Variants in TGFBR1 observed in about 807,000 individuals in gnomAD.
The protein encoded by TGFBR1 is TGF-beta receptor type-1.
TGFBR1 carries 20 observed loss-of-function variants against 55.1 expected under a neutral mutation model. The ratio of observed to expected loss-of-function variants is 0.36; its 90% CI spans 0.26 to 0.53. TGFBR1 has a LOEUF of 0.53. TGFBR1 is among the 20% of genes least tolerant of loss of function. The probability of loss-of-function intolerance (pLI) is 0.91; values close to 1 mark genes in which losing one functional copy is unlikely to be tolerated. For synonymous variants in TGFBR1, 220 were observed against 214.8 expected, an observed-to-expected ratio of 1.02 and a Z score of -0.21; for missense variants, 385 against 617.6, an observed-to-expected ratio of 0.62 and a Z score of 3.99.
chr9:99,105,992 G>C (rs1361204152), intron 1 of TGFBR1, among the ~76,000 whole-genome samples: 1 of 152,244 alleles, frequency 6.6e-6, no homozygotes, highest in African/African-American at 2.4e-5. Context: ...GCGGAGATGC[G>C]CGGAATGTTT....
At chr9:99,143,805 C>T (rs1269101126) in intron 5 of TGFBR1, among the ~76,000 whole-genome samples, 2 of 152,198 alleles carry the variant, frequency 1.3e-5, no homozygotes, top group Non-Finnish European at 2.9e-5. Flanking sequence ...GCAGTCACTC[C>T]CCTTTCCTCC....
In TGFBR1 at chr9:99,132,693, G is replaced by A. The variant is rs190878719; in HGVS notation, c.528G>A (p.Thr176=). Residue 176 remains threonine (T), a synonymous_variant, in exon 3 of 9, where the codon ACG becomes ACA. Transcript: ENST00000374994. ...GCCCTTTTATTTCAGAGGGTACTAC[G>A]TTGAAAGACTTAATTTATGATATGA... ...LDRPFISEGT[T]LKDLIYDMTT... 4.6e-4 allele frequency: 736 copies of A among 1,614,148 alleles called. 1 individual carries two copies. The highest frequency in any genetic ancestry group is 5.9e-4 in the Non-Finnish European group (702 of 1,180,012).
rs41274644 is a variant in TGFBR1, at chr9:99,153,798, G to A, written c.*4493G>A. 528 of 208,156 alleles carry A rather than the reference G, an allele frequency of 2.5e-3. 1 individual carries two copies. The highest frequency in any genetic ancestry group is 4.1e-3 in the Non-Finnish European group (415 of 101,984). 12.9% of individuals were successfully genotyped at this position (208,156 alleles called of 1,614,324 possible). On this transcript the variant is annotated 3_prime_UTR_variant, in exon 9 of 9. Transcript: ENST00000374994. ...CTAGTGCAAGTTACAATATTATAGCGTGTTCGGGGAGTGCCCTCCTGTCTG... is the reference window on the plus strand; with the variant it reads ...CTAGTGCAAGTTACAATATTATAGCATGTTCGGGGAGTGCCCTCCTGTCTG...
In TGFBR1 at chr9:99,150,637, G is replaced by A. The variant is rs200076723; in HGVS notation, c.*1332G>A. 136 of 212,792 alleles carry A rather than the reference G, an allele frequency of 6.4e-4. No homozygotes were observed. Among genetic ancestry groups the A allele is most frequent in the African/African-American group, 2.9e-3 (127 of 44,402 alleles). 13.2% of individuals were successfully genotyped at this position (212,792 alleles called of 1,614,324 possible). ...GAGGTCTCACTACACTTTGAGGAAG[G>A]CAGCTTTTAATTCAGTGTTTCCTTA... On this transcript the variant is annotated 3_prime_UTR_variant, in exon 9 of 9. Transcript: ENST00000374994.
chr9:99,130,153 A>G (rs1428130780), intron 2 of TGFBR1, among the ~76,000 whole-genome samples: 1 of 152,172 alleles, frequency 6.6e-6, no homozygotes, highest in Non-Finnish European at 1.5e-5. Flanking sequence ...TACAGTACAG[A>G]TGACACCAGA....
chr9:99,124,638 G>T (rs925257207), intron 1 of TGFBR1, among the ~76,000 whole-genome samples: 3 of 151,994 alleles, frequency 2.0e-5, no homozygotes, highest in Admixed American at 2.0e-4. Flanking sequence ...TCTTATTTTA[G>T]TTTTTCCCTA....
At chr9:99,110,379 AC>A (rs1255778691) in intron 1 of TGFBR1, among the ~76,000 whole-genome samples, 1 of 152,060 alleles carries the variant, frequency 6.6e-6, no homozygotes, top group Non-Finnish European at 1.5e-5. Context: ...CATGGCTAAT[AC>A]GGCATCATTT....
rs201470813 is a variant in TGFBR1, at chr9:99,138,092, C to A, written c.805+3C>A. ...ATTTATAGCAGCAGACAATAAAGGT[C>A]TGTAACATTTGCTTTTCCTTATGTT... On this transcript the variant is annotated splice_donor_region_variant and intron_variant, in intron 4 of 8. Coordinates refer to ENST00000374994, the MANE Select transcript of TGFBR1 (RefSeq NM_004612.4). The A allele has an allele frequency of 6.2e-7, 1 of 1,612,074 alleles. No individual in the cohort carries two copies. Among genetic ancestry groups the A allele is most frequent in the Non-Finnish European group, 8.5e-7 (1 of 1,178,280 alleles).
Position 99,149,412 on chromosome 9 carries a change from C to T in TGFBR1, c.*107C>T. 1 of 1,491,050 alleles carries T rather than the reference C, an allele frequency of 6.7e-7. No individual in the cohort carries two copies. The highest frequency in any genetic ancestry group is 9.3e-7 in the Non-Finnish European group (1 of 1,072,412). 92.4% of individuals were successfully genotyped at this position (1,491,050 alleles called of 1,614,324 possible). A position where few individuals can be genotyped will look rare whatever the true frequency, so the allele number is the denominator to read the frequency against. On this transcript the variant is annotated 3_prime_UTR_variant, in exon 9 of 9. Coordinates refer to ENST00000374994, the MANE Select transcript of TGFBR1 (RefSeq NM_004612.4). ...ACTGAGAGGGAACAGAAGGATATTG[C>T]TTCCTTTTGCAGCAGTGTAATAAAG...
intron 5 of TGFBR1, among the ~76,000 whole-genome samples, chr9:99,143,718 T>TG (rs1827698829): frequency 6.6e-6 from 1 of 151,888 alleles, no homozygotes; most frequent in African/African-American, 2.4e-5. Context: ...TTTAGAATAC[T>TG]CAGAGTTGTA....
At chr9:99,128,047 C>G in intron 1 of TGFBR1, 1 of 455,580 alleles carries the variant, frequency 2.2e-6, no homozygotes, top group South Asian at 1.6e-5. Context: ...CATCAGAGAG[C>G]ATGGTTGAAG....
At chr9:99,138,165 A>G in intron 4 of TGFBR1, 76 bp downstream of exon 4, 2 of 1,292,298 alleles carry the variant, frequency 1.5e-6, no homozygotes, top group Non-Finnish European at 1.1e-6. Context: ...GTGACTAACC[A>G]TCATCAAAGT....
intron 4 of TGFBR1, among the ~76,000 whole-genome samples, chr9:99,141,723 C>G (rs1417277160): frequency 6.6e-6 from 1 of 152,138 alleles, no homozygotes; most frequent in Non-Finnish European, 1.5e-5. Flanking sequence ...GGTTTTCCAG[C>G]TACTTCTAGG....
intron 5 of TGFBR1, among the ~76,000 whole-genome samples, chr9:99,143,751 A>G (rs1296173233): frequency 6.6e-6 from 1 of 152,170 alleles, no homozygotes; most frequent in Non-Finnish European, 1.5e-5. Flanking sequence ...ACTACAGTCA[A>G]TTTTAGAATA....
intron 4 of TGFBR1, among the ~76,000 whole-genome samples, chr9:99,139,119 C>T (rs903024510): frequency 4.0e-5 from 6 of 151,640 alleles, no homozygotes; most frequent in Non-Finnish European, 8.8e-5. Context: ...TTTTTACTGC[C>T]TCTGTCAGAG....
At chr9:99,131,693 C>G (rs185271666) in intron 2 of TGFBR1, among the ~76,000 whole-genome samples, 1 of 151,852 alleles carries the variant, frequency 6.6e-6, no homozygotes. Context: ...ACCTATTGGC[C>G]GGGCATGGCT....
chr9:99,122,660 T>C (rs1407839433), intron 1 of TGFBR1, among the ~76,000 whole-genome samples: 5 of 152,204 alleles, frequency 3.3e-5, no homozygotes, highest in African/African-American at 1.2e-4. Flanking sequence ...TTGAAAATTC[T>C]GATTTATTCT....
chr9:99,128,537 A>G (rs1827109553), intron 1 of TGFBR1: 2 of 406,976 alleles, frequency 4.9e-6, no homozygotes, highest in African/African-American at 2.1e-5. Flanking sequence ...TTTGTTTCTA[A>G]TGGGAAGGCA....
At chr9:99,105,336 G>A in intron 1 of TGFBR1, 34 bp downstream of exon 1, 1 of 980,422 alleles carries the variant, frequency 1.0e-6, no homozygotes, top group Non-Finnish European at 1.2e-6. Flanking sequence ...GCGACTGCGG[G>A]GCGCGCGGGC....
Sources: allele counts gnomAD v4.1 joint callset (sites outside exome capture counted in the v4.1 genomes callset), GRCh38; gene constraint gnomAD v4.1.1; transcripts MANE v1.5; gene names NCBI Gene and HGNC (gene_info 2026-07-23, HGNC 2026-07-21).